Variants in YEATS4 observed in about 807,000 individuals in gnomAD.
YEATS4 encodes YEATS domain containing 4, also known as YEATS domain-containing protein 4.
YEATS4 carries 17 observed loss-of-function variants against 30.1 expected under a neutral mutation model. The observed-to-expected ratio is 0.56, with a 90% CI of 0.39 to 0.85. YEATS4 has a LOEUF of 0.85. YEATS4 is among the 40% of genes least tolerant of loss of function. YEATS4 has a pLI of 0.00. For synonymous variants in YEATS4, 85 were observed against 87.5 expected, an observed-to-expected ratio of 0.97 and a Z score of 0.16; for missense variants, 142 against 268.3, an observed-to-expected ratio of 0.53 and a Z score of 3.29.
intron 4 of YEATS4, among the ~76,000 whole-genome samples, chr12:69,370,455 C>G (rs1875594825): frequency 6.6e-6 from 1 of 152,084 alleles, no homozygotes; most frequent in Admixed American, 6.5e-5. Flanking sequence ...AGTTTCCTCT[C>G]TAGAGATTCT....
intron 6 of YEATS4, among the ~76,000 whole-genome samples, chr12:69,380,139 T>C (rs1325163658): frequency 6.6e-6 from 1 of 152,232 alleles, no homozygotes; most frequent in Non-Finnish European, 1.5e-5. Context: ...TCCTGGATGG[T>C]CTTGATACTT....
downstream of YEATS4, among the ~76,000 whole-genome samples, chr12:69,395,312 G>GA (rs200965017): frequency 6.5e-3 from 983 of 150,146 alleles, 6 homozygotes; most frequent in Middle Eastern, 0.037. Flanking sequence ...ATAAAAAATA[G>GA]AAAAAAAAAT....
intron 2 of YEATS4, among the ~76,000 whole-genome samples, chr12:69,364,561 T>C (rs1875355728): frequency 6.6e-6 from 1 of 151,822 alleles, no homozygotes; most frequent in Non-Finnish European, 1.5e-5. Flanking sequence ...AAATGAGGAG[T>C]TTTTGTATTC....
chr12:69,382,858 AAAAGC>A (rs1239218888), intron 6 of YEATS4, among the ~76,000 whole-genome samples: 6 of 152,350 alleles, frequency 3.9e-5, no homozygotes, highest in African/African-American at 1.4e-4. Context: ...TTGGAGAAAG[AAAAGC>A]AAAGGATGAC....
At chr12:69,402,725 C>CTTTTTTTTTTTTTTTTTTTTT in the YEATS4 span, among the ~76,000 whole-genome samples, 5 of 113,116 alleles carry the variant, frequency 4.4e-5, no homozygotes, top group African/African-American at 9.9e-5. Flanking sequence ...TCTTTCTTTT[C>CTTTTTTTTTTTTTTTTTTTTT]TTTTTTTTTT....
At chr12:69,398,649 C>A in the YEATS4 span, among the ~76,000 whole-genome samples, 1 of 151,034 alleles carries the variant, frequency 6.6e-6, no homozygotes, top group Non-Finnish European at 1.5e-5. Flanking sequence ...CCTGTCTCTA[C>A]TAAAAAAATA....
the YEATS4 span, among the ~76,000 whole-genome samples, chr12:69,401,604 G>A: frequency 1.3e-5 from 2 of 152,214 alleles, no homozygotes; most frequent in African/African-American, 2.4e-5. Context: ...ATCCGCTGAA[G>A]TATCTGAGTG....
intron 6 of YEATS4, among the ~76,000 whole-genome samples, chr12:69,379,702 A>G (rs892432996): frequency 2.0e-5 from 3 of 146,360 alleles, no homozygotes; most frequent in Admixed American, 7.2e-5. Context: ...TGGCCTCCCA[A>G]AGTGCTGGGA....
chr12:69,421,758 G>A, the YEATS4 span, among the ~76,000 whole-genome samples: 1 of 152,156 alleles, frequency 6.6e-6, no homozygotes, highest in Admixed American at 6.5e-5. Flanking sequence ...CCACCCAAAG[G>A]TAGTGGCTAG....
chr12:69,375,646 A>G (rs1426923721), intron 6 of YEATS4, among the ~76,000 whole-genome samples: 2 of 152,218 alleles, frequency 1.3e-5, no homozygotes, highest in Admixed American at 1.3e-4. Flanking sequence ...TCCGTCTGCA[A>G]TCCCGGCACC....
rs556184729 is a variant in YEATS4 at position 69,359,788 on chromosome 12, A to T, written c.-185A>T. 1.8e-3 allele frequency: 1,164 copies of T among 657,060 alleles called. 10 individuals carry two copies. The highest frequency in any genetic ancestry group is 0.016 in the South Asian group (764 of 48,994). 40.7% of individuals were successfully genotyped at this position (657,060 alleles called of 1,614,324 possible). A position where few individuals can be genotyped will look rare whatever the true frequency, so the allele number is the denominator to read the frequency against. ...ACCTGCGCGGGCCTGAATGGCCTTCAGGAGCACAGTCGGCCTGAGGAGTTG... is the reference window on the plus strand; with the variant it reads ...ACCTGCGCGGGCCTGAATGGCCTTCTGGAGCACAGTCGGCCTGAGGAGTTG... On this transcript the variant is annotated 5_prime_UTR_variant, in exon 1 of 7. Transcript: ENST00000247843.
At chr12:69,418,905 G>A in the YEATS4 span, among the ~76,000 whole-genome samples, 89 of 151,564 alleles carry the variant, frequency 5.9e-4, no homozygotes, top group African/African-American at 2.0e-3. Context: ...GCAACATAGT[G>A]AGACCCCATC....
At chr12:69,384,259 AT>A (rs1258880417) in intron 6 of YEATS4, among the ~76,000 whole-genome samples, 1 of 152,166 alleles carries the variant, frequency 6.6e-6, no homozygotes, top group Non-Finnish European at 1.5e-5. Flanking sequence ...ATGGCAGAAA[AT>A]TCTCTTTTAA....
At chr12:69,369,663 T>C (rs1875569300) in intron 4 of YEATS4, among the ~76,000 whole-genome samples, 1 of 152,262 alleles carries the variant, frequency 6.6e-6, no homozygotes, top group South Asian at 2.1e-4. Context: ...GGTAGACTCA[T>C]CTGCTTTCTG....
chr12:69,413,849 C>CAA, the YEATS4 span, among the ~76,000 whole-genome samples: 5 of 127,292 alleles, frequency 3.9e-5, no homozygotes, highest in African/African-American at 1.5e-4. Context: ...AAGACTTCGT[C>CAA]AAAAAAAAAA....
At chr12:69,420,414 G>T in the YEATS4 span, among the ~76,000 whole-genome samples, 3 of 151,302 alleles carry the variant, frequency 2.0e-5, no homozygotes, top group African/African-American at 7.3e-5. Flanking sequence ...TTAGGGGGAG[G>T]GGGACAGAGG....
At chr12:69,386,563 AT>A (rs1291802193) in intron 6 of YEATS4, among the ~76,000 whole-genome samples, 2 of 152,098 alleles carry the variant, frequency 1.3e-5, no homozygotes, top group African/African-American at 2.4e-5. Context: ...ACATTAGTGC[AT>A]TTTTTTCTTA....
intron 4 of YEATS4, among the ~76,000 whole-genome samples, chr12:69,366,653 AT>A (rs1875446061): frequency 6.6e-6 from 1 of 151,976 alleles, no homozygotes; most frequent in Non-Finnish European, 1.5e-5. Context: ...CATTCCACAT[AT>A]GTGGCTGGGG....
At chr12:69,411,589 G>A in the YEATS4 span, among the ~76,000 whole-genome samples, 2 of 152,152 alleles carry the variant, frequency 1.3e-5, no homozygotes, top group Non-Finnish European at 2.9e-5. Flanking sequence ...TTCATGATAC[G>A]GGAAAAAGAA....
Sources: allele counts gnomAD v4.1 joint callset (sites outside exome capture counted in the v4.1 genomes callset), GRCh38; gene constraint gnomAD v4.1.1; transcripts MANE v1.5; gene names NCBI Gene and HGNC (gene_info 2026-07-23, HGNC 2026-07-21).